Variants in RALGAPA1 observed in about 807,000 individuals in gnomAD.
RALGAPA1 encodes the protein Ral GTPase activating protein catalytic subunit alpha 1, also known as ral GTPase-activating protein subunit alpha-1.
RALGAPA1 carries 52 observed loss-of-function variants against 269.6 expected under a neutral mutation model. The observed-to-expected ratio is 0.19, with a 90% confidence interval of 0.15 to 0.24. The LOEUF is 0.24. Ranked by LOEUF, RALGAPA1 falls within the 10% of genes least tolerant of loss-of-function variation. The pLI is 1.00. For missense variants in RALGAPA1, 1,917 were observed against 3,013.9 expected, an observed-to-expected ratio of 0.64 and a Z score of 8.52; for synonymous variants, 817 against 1,008.3, an observed-to-expected ratio of 0.81 and a Z score of 3.60.
chr14:35,612,370 C>CAAAAA (rs1010725263), intron 35 of RALGAPA1, among the ~76,000 whole-genome samples: 3 of 63,308 alleles, frequency 4.7e-5, no homozygotes, highest in South Asian at 5.5e-4. Context: ...AACTCTGTTT[C>CAAAAA]AAAAAAAAAA....
At chr14:35,643,868 G>A (rs2062197603) in intron 31 of RALGAPA1, among the ~76,000 whole-genome samples, 1 of 152,154 alleles carries the variant, frequency 6.6e-6, no homozygotes, top group African/African-American at 2.4e-5. Flanking sequence ...AGAATAGAAT[G>A]ATGGTTACCA....
intron 16 of RALGAPA1, among the ~76,000 whole-genome samples, chr14:35,711,403 T>C (rs907128961): frequency 3.9e-5 from 6 of 152,208 alleles, no homozygotes; most frequent in Admixed American, 2.0e-4. Context: ...AAACCTTTTT[T>C]AGTGGTTGCC....
intron 37 of RALGAPA1, among the ~76,000 whole-genome samples, chr14:35,583,987 T>A (rs977188506): frequency 1.3e-5 from 2 of 152,116 alleles, no homozygotes; most frequent in East Asian, 3.8e-4. Context: ...GAAAAACATA[T>A]GTGTCATAAA....
At chr14:35,609,098 G>A (rs1430179446) in intron 35 of RALGAPA1, among the ~76,000 whole-genome samples, 1 of 151,922 alleles carries the variant, frequency 6.6e-6, no homozygotes, top group Non-Finnish European at 1.5e-5. Context: ...TCGGTGGGGG[G>A]TGCCTGTAGT....
intron 11 of RALGAPA1, among the ~76,000 whole-genome samples, chr14:35,741,932 G>T (rs1024026516): frequency 1.3e-5 from 2 of 152,162 alleles, no homozygotes; most frequent in Non-Finnish European, 2.9e-5. Context: ...TAGTGCAAAA[G>T]ATTCCAAGGA....
chr14:35,726,123 A>G (rs1595337248), intron 13 of RALGAPA1, among the ~76,000 whole-genome samples: 1 of 152,214 alleles, frequency 6.6e-6, no homozygotes, highest in Non-Finnish European at 1.5e-5. Flanking sequence ...GCATAGCGAT[A>G]CGTGGAACAG....
chr14:35,593,677 G>C (rs1395386208), intron 37 of RALGAPA1, among the ~76,000 whole-genome samples: 4 of 151,942 alleles, frequency 2.6e-5, no homozygotes, highest in African/African-American at 9.7e-5. Flanking sequence ...TGGGAAACAT[G>C]GCAAAACCCC....
At chr14:35,645,496 T>C (rs947061736) in intron 31 of RALGAPA1, among the ~76,000 whole-genome samples, 36 of 152,088 alleles carry the variant, frequency 2.4e-4, no homozygotes, top group Admixed American at 7.2e-4. Context: ...TTTGGGAGGC[T>C]GAGACAGGCA....
At chr14:35,777,549 A>C (rs969789117) in intron 1 of RALGAPA1, among the ~76,000 whole-genome samples, 12 of 152,094 alleles carry the variant, frequency 7.9e-5, no homozygotes, top group African/African-American at 2.9e-4. Context: ...TACAATACAA[A>C]ATAGAATTTT....
chr14:35,572,425 G>A lies in RALGAPA1; in HGVS notation c.7368+135C>T, dbSNP rs113263804. ...GCTTAGGCAATCCATGTAGCTACCA[G>A]GGTCTATGTAACATTTACCCTCAGT... On this transcript the variant is annotated intron_variant, in intron 38 of 41. Transcript: ENST00000680220. 1.8e-4 allele frequency: 106 copies of A among 576,938 alleles called. 1 individual carries two copies. The highest frequency in any genetic ancestry group is 1.4e-3 in the African/African-American group (73 of 52,398). 35.7% of individuals were successfully genotyped at this position (576,938 alleles called of 1,614,324 possible). A position where few individuals can be genotyped will look rare whatever the true frequency, so the allele number is the denominator to read the frequency against.
intron 35 of RALGAPA1, among the ~76,000 whole-genome samples, chr14:35,622,485 C>G (rs2060697062): frequency 6.6e-6 from 1 of 152,070 alleles, no homozygotes. Context: ...GCACGTTGTG[C>G]ACATGTACCC....
chr14:35,629,139 T>C (rs760074380), intron 33 of RALGAPA1, among the ~76,000 whole-genome samples: 4 of 152,134 alleles, frequency 2.6e-5, no homozygotes, highest in African/African-American at 4.8e-5. Context: ...GGGGTGTTGA[T>C]GTGGAAGCCA....
intron 30 of RALGAPA1, among the ~76,000 whole-genome samples, chr14:35,653,792 T>C (rs1357703849): frequency 1.3e-5 from 2 of 152,068 alleles, no homozygotes; most frequent in Non-Finnish European, 2.9e-5. Flanking sequence ...CGTCAGGTGT[T>C]GCAGGAAGCA....
In RALGAPA1 at chr14:35,650,321, G is replaced by A. The variant is rs2139989924; in HGVS notation, c.5676+1484C>T. Among the ~76,000 whole-genome samples, 3 of 152,190 alleles carry A rather than the reference G, an allele frequency of 2.0e-5. No individual in the cohort carries two copies. In the South Asian group the frequency reaches 6.2e-4, roughly 32 times the overall value. On this transcript the variant is annotated intron_variant, in intron 31 of 41. Coordinates refer to ENST00000680220, the MANE Select transcript of RALGAPA1 (RefSeq NM_001346249.2). ...AACCGCTTGAACCTGGGAGGCAGAG[G>A]TTGCAGTGAGCCGAGACTGTGCCAC...
rs201616840 is a variant in RALGAPA1, at chr14:35,659,131, G to A, written c.5387+7C>T. On this transcript the variant is annotated splice_region_variant and intron_variant, in intron 28 of 41. Coordinates refer to ENST00000680220, the MANE Select transcript of RALGAPA1 (RefSeq NM_001346249.2). ...AGTTATACTCAGTCTAAGAATATCC[G>A]ACCTACCGTGCAGGACCAGAGGGCT... is the stretch of plus-strand genomic sequence containing the variant. The A allele has an allele frequency of 4.4e-6, 7 of 1,597,122 alleles. No homozygotes were observed. The highest frequency in any genetic ancestry group is 4.0e-5 in the African/African-American group (3 of 74,498).
At chr14:35,563,403 G>T (rs2056449268) in intron 39 of RALGAPA1, among the ~76,000 whole-genome samples, 1 of 152,120 alleles carries the variant, frequency 6.6e-6, no homozygotes. Context: ...TAATGAATAT[G>T]ACTTAGCTGG....
At chr14:35,716,289 T>G (rs2068814373) in intron 16 of RALGAPA1, among the ~76,000 whole-genome samples, 1 of 150,566 alleles carries the variant, frequency 6.6e-6, no homozygotes. Context: ...GCTACTCTAC[T>G]TGGGAGGCTG....
Position 35,750,652 on chromosome 14 carries a change from T to G in RALGAPA1, c.841A>C (p.Ile281Leu). ...TCATTGGTTTCAGCATCTTTCTTTATCACGACATAATGTGGCTTTGGTCTC... is the reference window on the plus strand; with the variant it reads ...TCATTGGTTTCAGCATCTTTCTTTAGCACGACATAATGTGGCTTTGGTCTC... ...QMRPKPHYVV[I>L]KKDAETNEAI... Residue 281 changes from isoleucine (I) to leucine (L), a missense_variant, in exon 9 of 42, where the codon ATA becomes CTA. Physicochemically the swap from Ile to Leu is conservative, Grantham distance 5. Transcript: ENST00000680220. The G allele has an allele frequency of 6.2e-7, 1 of 1,613,414 alleles. No individual in the cohort carries two copies. The highest frequency in any genetic ancestry group is 8.5e-7 in the Non-Finnish European group (1 of 1,179,590).
intron 41 of RALGAPA1, among the ~76,000 whole-genome samples, chr14:35,545,322 T>C (rs957513814): frequency 6.6e-6 from 1 of 152,000 alleles, no homozygotes; most frequent in Non-Finnish European, 1.5e-5. Flanking sequence ...ATAAATTCCA[T>C]CCTATCTACA....
Sources: gnomAD v4.1 joint callset for allele counts (sites outside exome capture counted in the v4.1 genomes callset) on GRCh38, gnomAD v4.1.1 for gene constraint, MANE v1.5 for transcripts, NCBI Gene and HGNC (gene_info 2026-07-23, HGNC 2026-07-21) for gene names.